NUP210L: variants seen among roughly 807,000 people sequenced by gnomAD.
NUP210L encodes nucleoporin 210 like.
Under a neutral mutation model 208.5 loss-of-function variants are expected in NUP210L, and 74 were observed. The observed-to-expected ratio is 0.35, with a 90% CI of 0.29 to 0.43. NUP210L has a LOEUF of 0.43. Among genes scored for constraint, NUP210L ranks in the 20% least tolerant of loss-of-function variants. The probability of loss-of-function intolerance (pLI) is 1.00; values close to 1 mark genes in which losing one functional copy is unlikely to be tolerated. For synonymous variants in NUP210L, 780 were observed against 816.9 expected (o/e 0.95, Z 0.77); for missense variants, 1,843 against 2,289.4 (o/e 0.81, Z 3.98).
chr1:154,032,958 G>GAA (rs1557928762), intron 27 of NUP210L, among the ~76,000 whole-genome samples: 1 of 61,960 alleles, frequency 1.6e-5, no homozygotes. Context: ...AAGAAGAAAA[G>GAA]AAAAGAAAAG....
At chr1:154,105,174 T>C (rs1175864625) in intron 12 of NUP210L, among the ~76,000 whole-genome samples, 2 of 152,166 alleles carry the variant, frequency 1.3e-5, no homozygotes, top group Non-Finnish European at 2.9e-5. Context: ...CTGGCAGGAT[T>C]CAACACTTGC....
intron 2 of NUP210L, among the ~76,000 whole-genome samples, chr1:154,151,294 T>TTTTTTTTTTTTTTTTTTTTTTTTTTG (rs1659368301): frequency 6.7e-6 from 1 of 148,630 alleles, no homozygotes; most frequent in African/African-American, 2.6e-5. Context: ...CATTGATTCT[T>TTTTTTTTTTTTTTTTTTTTTTTTTTG]AGACACTCGT....
chr1:154,021,201 A>G (rs1184266163), intron 32 of NUP210L, among the ~76,000 whole-genome samples: 1 of 152,156 alleles, frequency 6.6e-6, no homozygotes, highest in Non-Finnish European at 1.5e-5. Context: ...CAGCCTCCCA[A>G]AGTGCTGGGA....
In NUP210L at chr1:154,006,966, A is replaced by ATATATAT. The variant is rs1211789619; in HGVS notation, c.4930+3005_4930+3006insATATATA. ...TGTGTGTATATATATATATATATAT[A>ATATATAT]TTTTTTTTTTTTTTTTAAATGGAGT... On this transcript the variant is annotated intron_variant, in intron 35 of 39. Transcript: ENST00000368559. 1.9e-3 allele frequency among the ~76,000 whole-genome samples: 216 copies of ATATATAT among 115,780 alleles called. 2 individuals are homozygous for ATATATAT. Among genetic ancestry groups the ATATATAT allele is most frequent in the Middle Eastern group, 9.3e-3 (2 of 216 alleles). The allele number at this position is 115,780 out of a possible 152,430, so 76.0% of individuals were successfully genotyped here. A position where few individuals can be genotyped will look rare whatever the true frequency, so the allele number is the denominator to read the frequency against.
At chr1:154,036,025 G>T (rs757002692) in intron 27 of NUP210L, among the ~76,000 whole-genome samples, 1 of 152,018 alleles carries the variant, frequency 6.6e-6, no homozygotes, top group Non-Finnish European at 1.5e-5. Context: ...GAGCCACCGC[G>T]CCTGGCCTAT....
Position 154,030,147 on chromosome 1 carries a change from A to T in NUP210L, c.3697-93T>A, listed in dbSNP as rs182159284. 7.2e-4 allele frequency: 639 copies of T among 889,288 alleles called. 4 individuals carry two copies. In the African/African-American group the frequency reaches 9.5e-3, roughly 13 times the overall value. The allele number at this position is 889,288 out of a possible 1,614,324, so 55.1% of individuals were successfully genotyped here. On this transcript the variant is annotated intron_variant, in intron 27 of 39. Coordinates refer to ENST00000368559, the Ensembl canonical transcript of NUP210L. ...CTTTTTTAATATTAAATTTTTTTTT[A>T]AATTAAAAATAAAAAGTCAGGAAAG...
chr1:154,006,817 C>CATATATATATATATATATATATATATGT (rs376666558), intron 35 of NUP210L, among the ~76,000 whole-genome samples: 39 of 114,660 alleles, frequency 3.4e-4, no homozygotes, highest in African/African-American at 1.2e-3. Flanking sequence ...CTTACCATGC[C>CATATATATATATATATATATATATATGT]ATATATATAT....
chr1:154,105,211 C>T (rs1180792434), intron 12 of NUP210L, among the ~76,000 whole-genome samples: 5 of 141,604 alleles, frequency 3.5e-5, no homozygotes, highest in East Asian at 2.2e-4. Flanking sequence ...GGGCCTTGGC[C>T]GGGTGCAGTG....
intron 14 of NUP210L, 111 bp downstream of exon 14, chr1:154,099,887 C>T: frequency 9.1e-7 from 1 of 1,104,300 alleles, no homozygotes; most frequent in Non-Finnish European, 1.3e-6. Context: ...GTAAAGAGAA[C>T]ATAAATGTCA....
chr1:154,058,757 C>T, intron 20 of NUP210L, 64 bp from the exon 21 acceptor site: 1 of 1,530,472 alleles, frequency 6.5e-7, no homozygotes, highest in Non-Finnish European at 8.9e-7. Context: ...ATCAAAGCAA[C>T]TATTTTCACC....
At chr1:154,128,017 C>G (rs576868893) in intron 8 of NUP210L, among the ~76,000 whole-genome samples, 18 of 152,154 alleles carry the variant, frequency 1.2e-4, no homozygotes, top group Admixed American at 1.1e-3. Context: ...GCTTAGAACA[C>G]TGCGCCTGGC....
At chr1:154,093,166 T>C (rs1656015838) in intron 15 of NUP210L, among the ~76,000 whole-genome samples, 1 of 152,072 alleles carries the variant, frequency 6.6e-6, no homozygotes, top group Non-Finnish European at 1.5e-5. Flanking sequence ...CGGTGCCTCA[T>C]GCCTGTAATC....
chr1:154,138,722 A>G (rs1016199211), intron 5 of NUP210L, among the ~76,000 whole-genome samples: 3 of 152,236 alleles, frequency 2.0e-5, no homozygotes, highest in Non-Finnish European at 4.4e-5. Flanking sequence ...CTTACCAAAA[A>G]ACATTTGTTT....
intron 15 of NUP210L, among the ~76,000 whole-genome samples, chr1:154,090,757 G>C (rs957028076): frequency 2.0e-5 from 3 of 151,778 alleles, no homozygotes; most frequent in African/African-American, 7.3e-5. Context: ...GTTGCAGTGA[G>C]CCAAGATCAT....
At chr1:154,027,089 AAAAAAAACAAAAAAAAAAAAAC>A (rs1278766886) in intron 29 of NUP210L, among the ~76,000 whole-genome samples, 1 of 143,224 alleles carries the variant, frequency 7.0e-6, no homozygotes, top group African/African-American at 2.6e-5. Context: ...TCAAAAAAAA[AAAAAAAACAAAAAAAAAAAAAC>A]AAAAAACACA....
chr1:154,018,006 C>A (rs1460698036), intron 33 of NUP210L, among the ~76,000 whole-genome samples: 1 of 151,804 alleles, frequency 6.6e-6, no homozygotes, highest in East Asian at 1.9e-4. Context: ...GACTCTCACT[C>A]TGTTGCCCAG....
intron 37 of NUP210L, among the ~76,000 whole-genome samples, chr1:153,997,450 T>TTTTTC (rs1181079238): frequency 6.7e-6 from 1 of 149,690 alleles, no homozygotes; most frequent in Non-Finnish European, 1.5e-5. Flanking sequence ...CTTTTGGCTG[T>TTTTTC]TTTTCTTTTC....
intron 7 of NUP210L, among the ~76,000 whole-genome samples, chr1:154,130,318 G>A (rs925275047): frequency 1.1e-4 from 17 of 152,116 alleles, no homozygotes; most frequent in Admixed American, 1.0e-3. Flanking sequence ...TGTCACCCAG[G>A]CTAGAGTGCA....
intron 17 of NUP210L, among the ~76,000 whole-genome samples, chr1:154,068,269 A>G (rs1401437477): frequency 6.6e-6 from 1 of 152,238 alleles, no homozygotes; most frequent in East Asian, 1.9e-4. Context: ...GAGACCTCAG[A>G]AATAATACCA....
Sources: allele counts gnomAD v4.1 joint callset (sites outside exome capture counted in the v4.1 genomes callset), GRCh38; gene constraint gnomAD v4.1.1; transcripts MANE v1.5; gene names NCBI Gene and HGNC (gene_info 2026-07-23, HGNC 2026-07-21).